Variants in RAI1 observed in about 807,000 individuals in gnomAD.
RAI1 encodes the protein retinoic acid induced 1, also known as retinoic acid-induced protein 1.
RAI1 carries 9 observed loss-of-function variants against 123.8 expected under a neutral mutation model. The ratio of observed to expected loss-of-function variants is 0.07; its 90% CI spans 0.04 to 0.13. The LOEUF is 0.13. RAI1 is among the 10% of genes least tolerant of loss of function. The probability of loss-of-function intolerance (pLI) is 1.00; values close to 1 mark genes in which losing one functional copy is unlikely to be tolerated. For missense variants in RAI1, 2,256 were observed against 2,545.8 expected (o/e 0.89, Z 2.45); for synonymous variants, 1,231 against 1,127.3 (o/e 1.09, Z -1.84).
intron 2 of RAI1, among the ~76,000 whole-genome samples, chr17:17,751,208 T>G (rs990570599): frequency 1.3e-5 from 2 of 152,164 alleles, no homozygotes; most frequent in African/African-American, 2.4e-5. Flanking sequence ...AAGTGGAGCC[T>G]CATCAAGGCA....
chr17:17,705,146 T>C (rs1567834903), intron 1 of RAI1, among the ~76,000 whole-genome samples: 2 of 152,080 alleles, frequency 1.3e-5, no homozygotes. Flanking sequence ...TGACTGATTC[T>C]TCATCATCAT....
intron 2 of RAI1, among the ~76,000 whole-genome samples, chr17:17,724,553 G>A (rs1287254401): frequency 6.6e-6 from 1 of 152,070 alleles, no homozygotes; most frequent in Non-Finnish European, 1.5e-5. Flanking sequence ...GGCGGGGCTG[G>A]TGGCCACGGA....
intron 4 of RAI1, among the ~76,000 whole-genome samples, chr17:17,808,823 T>C (rs1459228214): frequency 6.6e-6 from 1 of 152,170 alleles, no homozygotes; most frequent in Non-Finnish European, 1.5e-5. Flanking sequence ...ATTTTACAGA[T>C]GTGGAGACTG....
chr17:17,686,946 C>T lies in RAI1; in HGVS notation c.-149+5153C>T, dbSNP rs745947956. Among the ~76,000 whole-genome samples, 3 of 152,128 alleles carry T rather than the reference C, an allele frequency of 2.0e-5. No homozygotes were observed. In the East Asian group the frequency reaches 5.8e-4, roughly 29 times the overall value. On this transcript the variant is annotated intron_variant, in intron 1 of 5. Coordinates refer to ENST00000353383, the MANE Select transcript of RAI1 (RefSeq NM_030665.4). ...GCAAGCCTGTGGTCCAGGCTTCGCA[C>T]CCTTGAAGTCTAGGGGCCAGGTGAA...
At position 17,795,899 on chromosome 17, in the gene RAI1, C is replaced by T. The variant is rs371644042; in HGVS notation, c.2951C>T (p.Ala984Val). The T allele has an allele frequency of 7.9e-5, 127 of 1,611,370 alleles. No individual in the cohort carries two copies. The highest frequency in any genetic ancestry group is 2.2e-4 in the Admixed American group (13 of 59,976). Reference protein sequence around the residue: ...QKPNKPAVPEAPIAKKEPVPR... With the variant: ...QKPNKPAVPEVPIAKKEPVPR... Reference sequence around the variant, plus strand: ...CCCAACAAGCCTGCTGTGCCCGAGGCGCCCATCGCAAAGAAAGAGCCTGTG... The same window carrying T: ...CCCAACAAGCCTGCTGTGCCCGAGGTGCCCATCGCAAAGAAAGAGCCTGTG... The change falls in exon 3 of 6, where the codon GCG becomes GTG. Residue 984 changes from alanine (A) to valine (V), a missense_variant. Coordinates refer to ENST00000353383, the MANE Select transcript of RAI1 (RefSeq NM_030665.4). The surrounding 1 kb of genome is among the most constrained non-coding windows in gnomAD (Gnocchi z 5.9).
At position 17,793,250 on chromosome 17, in the gene RAI1, G is replaced by A. The variant is rs2032089704; in HGVS notation, c.302G>A (p.Gly101Asp). The change falls in exon 3 of 6, where the codon GGC (glycine) becomes GAC (aspartate). Residue 101 changes from glycine (G) to aspartate (D), a missense_variant. By Grantham distance (94) the Gly-to-Asp change is moderately conservative. This residue lies in a region of RAI1 where 336 missense variants were observed against 349.8 expected (regional missense o/e 0.96). Coordinates refer to ENST00000353383, the MANE Select transcript of RAI1 (RefSeq NM_030665.4). Reference sequence around the variant, plus strand: ...GGGAGGCCGGCTTTCCCTGGCTACGGCGTCCAGGACAGCAGCCCCTACCCA... The same window carrying A: ...GGGAGGCCGGCTTTCCCTGGCTACGACGTCCAGGACAGCAGCCCCTACCCA... ...LQGRPAFPGY[G>D]VQDSSPYPGR... 1 of 1,611,652 alleles carries A rather than the reference G, an allele frequency of 6.2e-7. No homozygotes were observed. Among genetic ancestry groups the A allele is most frequent in the Non-Finnish European group, 8.5e-7 (1 of 1,179,290 alleles).
At position 17,797,864 on chromosome 17, in the gene RAI1, C is replaced by T. The variant is rs753831214; in HGVS notation, c.4916C>T (p.Ser1639Leu). 87 of 1,613,898 alleles carry T rather than the reference C, an allele frequency of 5.4e-5. No homozygotes were observed. In the East Asian group the frequency reaches 1.8e-3, roughly 33 times the overall value. The change falls in exon 3 of 6, where the codon TCG becomes TTG. Residue 1639 changes from serine (S) to leucine (L), a missense_variant. Physicochemically the swap from Ser to Leu is moderately radical, Grantham distance 145 (BLOSUM62 -2). Transcript: ENST00000353383. ...GCCTCCTCTTCCTCATCCTCGTCCT[C>T]GTTCTCCTTGGATGCAGCCGGGGCC... ...SSASSSSSSS[S>L]FSLDAAGASL... is the part of the protein sequence containing the mutation.
At chr17:17,784,603 T>A (rs1366855192) in intron 2 of RAI1, among the ~76,000 whole-genome samples, 1 of 152,138 alleles carries the variant, frequency 6.6e-6, no homozygotes, top group Non-Finnish European at 1.5e-5. Flanking sequence ...ACAGCTGGTC[T>A]TGTAGGCCAG....
chr17:17,799,210 C>G lies in RAI1; in HGVS notation c.5565+697C>G, dbSNP rs2032375488. ...CCTTTGGGGCTGTGACCTGCCCTCT[C>G]TGTGCCTCCGTCCCCTCGCCCCTAA... On this transcript the variant is annotated intron_variant, in intron 3 of 5. Coordinates refer to ENST00000353383, the MANE Select transcript of RAI1 (RefSeq NM_030665.4). The surrounding 1 kb of genome is among the most constrained non-coding windows in gnomAD (Gnocchi z 4.5). 1.3e-5 allele frequency among the ~76,000 whole-genome samples: 2 copies of G among 152,216 alleles called. No individual in the cohort carries two copies. Among genetic ancestry groups the G allele is most frequent in the South Asian group, 2.1e-4 (1 of 4,834 alleles).
chr17:17,732,791 C>T (rs1227571829), intron 2 of RAI1, among the ~76,000 whole-genome samples: 3 of 152,208 alleles, frequency 2.0e-5, no homozygotes, highest in Admixed American at 6.5e-5. Context: ...CTGCCTGTCT[C>T]CTTGGCCCTG....
rs1249605430 is a variant in RAI1, at chr17:17,800,760, A to G, written c.5565+2247A>G. 6.6e-6 allele frequency among the ~76,000 whole-genome samples: 1 copy of G among 152,186 alleles called. No homozygotes were observed. The highest frequency in any genetic ancestry group is 1.9e-4 in the East Asian group (1 of 5,200). On this transcript the variant is annotated intron_variant, in intron 3 of 5. Coordinates refer to ENST00000353383, the MANE Select transcript of RAI1 (RefSeq NM_030665.4). The surrounding 1 kb of genome is among the most constrained non-coding windows in gnomAD (Gnocchi z 4.7). ...TGCCAGACAGATGGGACATCCTGGG[A>G]GAATGGGCAGAGTCTGGGGCTTCCC... is the stretch of plus-strand genomic sequence containing the variant.
At chr17:17,779,101 G>C (rs906747796) in intron 2 of RAI1, 3 of 351,118 alleles carry the variant, frequency 8.5e-6, no homozygotes, top group Admixed American at 3.8e-5. Flanking sequence ...CAAAGAGAGA[G>C]AAATCAGCCA....
intron 2 of RAI1, among the ~76,000 whole-genome samples, chr17:17,765,377 C>T (rs566174704): frequency 2.6e-5 from 4 of 152,344 alleles, no homozygotes; most frequent in Non-Finnish European, 4.4e-5. Flanking sequence ...CCTAGGGCTC[C>T]TCCACCTCAG....
chr17:17,783,296 C>T (rs1314374855), intron 2 of RAI1, among the ~76,000 whole-genome samples: 1 of 151,782 alleles, frequency 6.6e-6, no homozygotes, highest in Non-Finnish European at 1.5e-5. Flanking sequence ...GGCGCGCTGC[C>T]GGCAGAGCCC....
At chr17:17,732,995 C>G (rs1916317265) in intron 2 of RAI1, among the ~76,000 whole-genome samples, 4 of 152,168 alleles carry the variant, frequency 2.6e-5, no homozygotes, top group Admixed American at 1.3e-4. Flanking sequence ...CTACATTTTG[C>G]TTCCCTGAAA....
chr17:17,753,002 G>T (rs1404765940), intron 2 of RAI1, among the ~76,000 whole-genome samples: 1 of 152,214 alleles, frequency 6.6e-6, no homozygotes, highest in African/African-American at 2.4e-5. Context: ...GGGTGGTGCC[G>T]GCTGTACTGG....
rs758207311 is a variant in RAI1 at position 17,797,008 on chromosome 17, G to A, written c.4060G>A (p.Gly1354Ser). Residue 1354 changes from glycine to serine, a missense_variant, in exon 3 of 6, where the codon GGT (glycine) becomes AGT (serine). Physicochemically the swap from Gly to Ser is moderately conservative, Grantham distance 56. Coordinates refer to ENST00000353383, the MANE Select transcript of RAI1 (RefSeq NM_030665.4). ...ATGTAAAGCGCCAGGGGCCTCTCCTGGTAATCCTCTGAGCCCATCCCTTTC... is the reference window on the plus strand; with the variant it reads ...ATGTAAAGCGCCAGGGGCCTCTCCTAGTAATCCTCTGAGCCCATCCCTTTC... ...FACKAPGASP[G>S]NPLSPSLSDK... 1 of 1,613,914 alleles carries A rather than the reference G, an allele frequency of 6.2e-7. No individual in the cohort carries two copies. Among genetic ancestry groups the A allele is most frequent in the Admixed American group, 1.7e-5 (1 of 60,024 alleles).
chr17:17,751,791 A>C (rs746283609), intron 2 of RAI1, among the ~76,000 whole-genome samples: 12 of 152,064 alleles, frequency 7.9e-5, no homozygotes, highest in Non-Finnish European at 1.6e-4. Flanking sequence ...CACCTTATTT[A>C]AAACTACGAA....
Position 17,795,905 on chromosome 17 carries a change from T to C in RAI1, c.2957T>C (p.Ile986Thr), listed in dbSNP as rs1196382015. The C allele has an allele frequency of 1.2e-6, 2 of 1,611,000 alleles. No homozygotes were observed. Among genetic ancestry groups the C allele is most frequent in the African/African-American group, 2.7e-5 (2 of 74,850 alleles). Reference sequence around the variant, plus strand: ...AAGCCTGCTGTGCCCGAGGCGCCCATCGCAAAGAAAGAGCCTGTGCCACGG... The same window carrying C: ...AAGCCTGCTGTGCCCGAGGCGCCCACCGCAAAGAAAGAGCCTGTGCCACGG... ...PNKPAVPEAPIAKKEPVPRGK... is the reference protein window; with the variant it reads ...PNKPAVPEAPTAKKEPVPRGK... The change falls in exon 3 of 6, where the codon ATC (isoleucine) becomes ACC (threonine). Residue 986 changes from isoleucine (I) to threonine (T), a missense_variant. Physicochemically the swap from Ile to Thr is moderately conservative, Grantham distance 89 (BLOSUM62 -1). This residue lies in a region of RAI1 where 566 missense variants were observed against 616.0 expected (regional missense o/e 0.92). Transcript: ENST00000353383. This position sits in a 1 kb window ranked among gnomAD's most constrained non-coding sequence, Gnocchi z 5.9.
Sources: gnomAD v4.1 joint callset for allele counts (sites outside exome capture counted in the v4.1 genomes callset) on GRCh38, gnomAD v4.1.1 for gene constraint, gnomAD v4.1.1 regional missense constraint, Gnocchi (gnomAD v3.1) non-coding constraint, MANE v1.5 for transcripts, NCBI Gene and HGNC (gene_info 2026-07-23, HGNC 2026-07-21) for gene names.